Variants in DLGAP1 observed in about 807,000 individuals in gnomAD.
DLGAP1 encodes the protein DLG associated protein 1.
Under a neutral mutation model 90.8 loss-of-function variants are expected in DLGAP1, and 11 were observed. That is an observed-to-expected ratio of 0.12 (90% CI 0.08 to 0.20). The LOEUF (loss-of-function observed/expected upper bound fraction) is 0.20. Ranked by LOEUF, DLGAP1 falls within the 10% of genes least tolerant of loss-of-function variation. The probability of loss-of-function intolerance (pLI) is 1.00; values close to 1 mark genes in which losing one functional copy is unlikely to be tolerated. For missense variants in DLGAP1, 1,050 were observed against 1,333.8 expected, an observed-to-expected ratio of 0.79 and a Z score of 3.31; for synonymous variants, 558 against 540.7, an observed-to-expected ratio of 1.03 and a Z score of -0.44.
intron 9 of DLGAP1, among the ~76,000 whole-genome samples, chr18:3,555,956 A>C (rs1275317556): frequency 6.6e-6 from 1 of 152,168 alleles, no homozygotes; most frequent in East Asian, 1.9e-4. Flanking sequence ...ATTATCTTGA[A>C]ACTTCTTTCT....
chr18:3,724,406 C>G (rs2062084100), intron 7 of DLGAP1, among the ~76,000 whole-genome samples: 1 of 152,148 alleles, frequency 6.6e-6, no homozygotes, highest in African/African-American at 2.4e-5. Flanking sequence ...ATTATTGCTA[C>G]ACAAAGCTTC....
At chr18:3,610,234 C>T (rs1005076781) in intron 7 of DLGAP1, among the ~76,000 whole-genome samples, 1 of 152,180 alleles carries the variant, frequency 6.6e-6, no homozygotes, top group Non-Finnish European at 1.5e-5. Flanking sequence ...GCAGGAATAG[C>T]CCTGCCAAGT....
rs569226368 is a variant in DLGAP1 at position 4,142,778 on chromosome 18, C to T, written c.-159+8402G>A. On this transcript the variant is annotated intron_variant, in intron 2 of 12. Coordinates refer to ENST00000315677, the MANE Select transcript of DLGAP1 (RefSeq NM_004746.4). ...TATTCATAAATTTGAGTATTATGATCTAAGTTTTTCTGTCACTATGGGCAT... is the reference window on the plus strand; with the variant it reads ...TATTCATAAATTTGAGTATTATGATTTAAGTTTTTCTGTCACTATGGGCAT... 1.1e-4 allele frequency among the ~76,000 whole-genome samples: 17 copies of T among 152,196 alleles called. No homozygotes were observed. The East Asian group carries it at 3.1e-3, about 28-fold the overall frequency.
rs114040530 is a variant in DLGAP1, at chr18:4,271,361, C to T, written c.-266-120074G>A. On this transcript the variant is annotated intron_variant, in intron 1 of 12. Transcript: ENST00000315677. ...GTTGTTCTTGCTTTTCATGATACTACCTAATTTCACATATATGAAGTGAGA... is the reference window on the plus strand; with the variant it reads ...GTTGTTCTTGCTTTTCATGATACTATCTAATTTCACATATATGAAGTGAGA... Among the ~76,000 whole-genome samples, 759 of 152,216 alleles carry T rather than the reference C, an allele frequency of 5.0e-3. 9 individuals carry two copies. Among genetic ancestry groups the T allele is most frequent in the Middle Eastern group, 0.024 (7 of 294 alleles).
In DLGAP1 at chr18:3,803,180, T is replaced by C. The variant is rs368928802; in HGVS notation, c.1172+10879A>G. On this transcript the variant is annotated intron_variant, in intron 5 of 12. Coordinates refer to ENST00000315677, the MANE Select transcript of DLGAP1 (RefSeq NM_004746.4). ...AAGAGATGTCCACCATTGGCTCTCATTGGACGACTGGACCCCCCCTAGCAT... is the reference window on the plus strand; with the variant it reads ...AAGAGATGTCCACCATTGGCTCTCACTGGACGACTGGACCCCCCCTAGCAT... 3.3e-5 allele frequency among the ~76,000 whole-genome samples: 5 copies of C among 152,270 alleles called. 1 individual carries two copies. Among genetic ancestry groups the C allele is most frequent in the East Asian group, 3.9e-4 (2 of 5,180 alleles).
intron 5 of DLGAP1, among the ~76,000 whole-genome samples, chr18:3,787,751 C>T (rs530915432): frequency 1.5e-4 from 23 of 152,126 alleles, no homozygotes; most frequent in East Asian, 5.8e-4. Flanking sequence ...GCTCAGAAAC[C>T]GATACCCCAA....
intron 10 of DLGAP1, among the ~76,000 whole-genome samples, chr18:3,525,540 C>T (rs1339818588): frequency 1.3e-5 from 2 of 152,168 alleles, no homozygotes; most frequent in African/African-American, 4.8e-5. Context: ...GCTGGGATTA[C>T]ATGCATGCAC....
intron 1 of DLGAP1, among the ~76,000 whole-genome samples, chr18:4,303,011 G>C (rs1321767799): frequency 6.6e-6 from 1 of 151,924 alleles, no homozygotes; most frequent in Non-Finnish European, 1.5e-5. Context: ...TTTTATTTGT[G>C]GCACTTTCCT....
intron 1 of DLGAP1, among the ~76,000 whole-genome samples, chr18:4,281,305 C>T (rs1418730447): frequency 1.3e-5 from 2 of 152,092 alleles, no homozygotes; most frequent in African/African-American, 2.4e-5. Context: ...AATCCTAACA[C>T]TTTGGGAGAC....
At chr18:3,646,485 G>A (rs1362206550) in intron 7 of DLGAP1, among the ~76,000 whole-genome samples, 1 of 152,170 alleles carries the variant, frequency 6.6e-6, no homozygotes. Flanking sequence ...CAGTTGTGTA[G>A]AGAATTCTAA....
chr18:4,420,166 A>G (rs1480632068), intron 1 of DLGAP1, among the ~76,000 whole-genome samples: 1 of 152,226 alleles, frequency 6.6e-6, no homozygotes, highest in Non-Finnish European at 1.5e-5. Context: ...TATGTACCCT[A>G]GAGCTTTAAA....
intron 7 of DLGAP1, among the ~76,000 whole-genome samples, chr18:3,723,819 C>T (rs947906324): frequency 5.3e-5 from 8 of 152,104 alleles, no homozygotes; most frequent in African/African-American, 1.9e-4. Flanking sequence ...AAGAATGTGT[C>T]TCAACTTAGA....
At chr18:4,321,733 T>A (rs770687009) in intron 1 of DLGAP1, among the ~76,000 whole-genome samples, 10 of 152,352 alleles carry the variant, frequency 6.6e-5, no homozygotes, top group Admixed American at 1.3e-4. Context: ...CTATATTTTA[T>A]CAGTTAAGAC....
intron 10 of DLGAP1, among the ~76,000 whole-genome samples, chr18:3,532,901 A>G: frequency 6.6e-6 from 1 of 152,288 alleles, no homozygotes; most frequent in East Asian, 1.9e-4. Context: ...AGGTAATTTG[A>G]TTATTTTTCT....
In DLGAP1 at chr18:4,351,279, C is replaced by G. The variant is rs149996983; in HGVS notation, c.-267+103727G>C. Among the ~76,000 whole-genome samples the G allele has an allele frequency of 7.8e-3, 1,194 of 152,314 alleles. 11 individuals carry two copies. Among genetic ancestry groups the G allele is most frequent in the Middle Eastern group, 0.02 (6 of 294 alleles). ...GCAACTCACACTGTGGAAAATGTCA[C>G]TGGGCTTTGCTGCCTCACTAGCTGT... On this transcript the variant is annotated intron_variant, in intron 1 of 12. Coordinates refer to ENST00000315677, the MANE Select transcript of DLGAP1 (RefSeq NM_004746.4).
rs535978219 is a variant in DLGAP1, at chr18:4,097,648, T to G, written c.-159+53532A>C. Among the ~76,000 whole-genome samples, 3 of 152,314 alleles carry G rather than the reference T, an allele frequency of 2.0e-5. No homozygotes were observed. In the South Asian group the frequency reaches 6.2e-4, roughly 32 times the overall value. The stretch of plus-strand genomic sequence containing the variant: ...ATATTCTGAACGGAACCAATACAGA[T>G]AAATCCCAGTTAAGAACTCTAGCAC... On this transcript the variant is annotated intron_variant, in intron 2 of 12. Coordinates refer to ENST00000315677, the MANE Select transcript of DLGAP1 (RefSeq NM_004746.4).
intron 1 of DLGAP1, among the ~76,000 whole-genome samples, chr18:4,376,675 AAGTC>A: frequency 6.6e-6 from 1 of 152,326 alleles, no homozygotes; most frequent in East Asian, 1.9e-4. Flanking sequence ...TCTTGTAAGA[AAGTC>A]AGGGTGTATT....
chr18:3,582,488 G>T (rs1431899004), intron 7 of DLGAP1, among the ~76,000 whole-genome samples: 3 of 152,052 alleles, frequency 2.0e-5, no homozygotes, highest in African/African-American at 7.2e-5. Flanking sequence ...CTCTGAAATG[G>T]AAGTTTCTAA....
chr18:4,265,468 CCCTTCCTT>C (rs113453447), intron 1 of DLGAP1, among the ~76,000 whole-genome samples: 4 of 139,100 alleles, frequency 2.9e-5, no homozygotes, highest in Admixed American at 1.4e-4. Flanking sequence ...TGCACCCAGC[CCCTTCCTT>C]CCTTCCTTCC....
Sources: allele counts gnomAD v4.1 joint callset (sites outside exome capture counted in the v4.1 genomes callset), GRCh38; gene constraint gnomAD v4.1.1; transcripts MANE v1.5; gene names NCBI Gene and HGNC (gene_info 2026-07-23, HGNC 2026-07-21).